The following IGF2BP3 variants were observed in gnomAD, a reference collection of about 807,000 sequenced individuals.
IGF2BP3 encodes insulin like growth factor 2 mRNA binding protein 3, also known as insulin-like growth factor 2 mRNA-binding protein 3.
IGF2BP3 carries 9 observed loss-of-function variants against 73.8 expected under a neutral mutation model. The ratio of observed to expected loss-of-function variants is 0.12; its 90% CI spans 0.07 to 0.21. The LOEUF (loss-of-function observed/expected upper bound fraction) is 0.21, where lower values mean the gene tolerates loss of function less well. Among genes scored for constraint, IGF2BP3 ranks in the 10% least tolerant of loss-of-function variants. The probability of loss-of-function intolerance (pLI) is 1.00; values close to 1 mark genes in which losing one functional copy is unlikely to be tolerated. For synonymous variants in IGF2BP3, 258 were observed against 256.7 expected, an observed-to-expected ratio of 1.01 and a Z score of -0.05; for missense variants, 542 against 714.0, an observed-to-expected ratio of 0.76 and a Z score of 2.75.
chr7:23,321,514 C>T (rs576810772), intron 10 of IGF2BP3, among the ~76,000 whole-genome samples: 202 of 152,282 alleles, frequency 1.3e-3, no homozygotes, highest in African/African-American at 4.7e-3. Flanking sequence ...CCGCCATTGC[C>T]CAGGCTTGCT....
At chr7:23,347,116 C>T (rs1784848041) in intron 7 of IGF2BP3, among the ~76,000 whole-genome samples, 1 of 152,180 alleles carries the variant, frequency 6.6e-6, no homozygotes. Flanking sequence ...CCAACCTTCA[C>T]TCAAAGTTCC....
intron 10 of IGF2BP3, among the ~76,000 whole-genome samples, chr7:23,327,978 C>T (rs574869772): frequency 6.6e-6 from 1 of 152,122 alleles, no homozygotes; most frequent in Non-Finnish European, 1.5e-5. Context: ...GAGGCCATTC[C>T]GTAGGTCACA....
At chr7:23,434,503 A>AT (rs1309716925) in intron 2 of IGF2BP3, among the ~76,000 whole-genome samples, 2 of 152,206 alleles carry the variant, frequency 1.3e-5, no homozygotes, top group East Asian at 3.8e-4. Flanking sequence ...TAAGCAAATA[A>AT]TTGTGTTCAA....
At chr7:23,427,789 C>T (rs1408878652) in intron 2 of IGF2BP3, among the ~76,000 whole-genome samples, 6 of 151,832 alleles carry the variant, frequency 4.0e-5, no homozygotes, top group African/African-American at 9.7e-5. Flanking sequence ...GGGTGGCTCA[C>T]GAGGTCAGGA....
chr7:23,460,341 A>G (rs1376157469), intron 2 of IGF2BP3, among the ~76,000 whole-genome samples: 2 of 151,948 alleles, frequency 1.3e-5, no homozygotes, highest in African/African-American at 4.8e-5. Flanking sequence ...CAACCTGGCT[A>G]ACATGGTGAA....
intron 3 of IGF2BP3, among the ~76,000 whole-genome samples, chr7:23,408,595 C>A (rs1281256127): frequency 6.6e-6 from 1 of 152,138 alleles, no homozygotes; most frequent in African/African-American, 2.4e-5. Context: ...ACAGTAATGG[C>A]AATTCCTGAA....
chr7:23,353,904 A>C (rs1045079775), intron 5 of IGF2BP3, among the ~76,000 whole-genome samples: 1 of 152,250 alleles, frequency 6.6e-6, no homozygotes. Flanking sequence ...ACGACAGCTG[A>C]TATATTTTAA....
At chr7:23,437,541 A>G (rs994144650) in intron 2 of IGF2BP3, among the ~76,000 whole-genome samples, 7 of 152,138 alleles carry the variant, frequency 4.6e-5, no homozygotes, top group Non-Finnish European at 1.0e-4. Context: ...TGGACTGTCC[A>G]CTTAAATGAA....
intron 3 of IGF2BP3, among the ~76,000 whole-genome samples, chr7:23,393,153 A>G (rs2128521921): frequency 6.6e-6 from 1 of 152,238 alleles, no homozygotes; most frequent in South Asian, 2.1e-4. Flanking sequence ...TGCCCGCTGG[A>G]GTGGCCTTCC....
chr7:23,470,180 A>C lies in IGF2BP3; in HGVS notation c.-70T>G. On this transcript the variant is annotated 5_prime_UTR_variant, in exon 1 of 15. Coordinates refer to ENST00000258729, the MANE Select transcript of IGF2BP3 (RefSeq NM_006547.3). Reference sequence around the variant, plus strand: ...AAATTAAAACCACCCACGGTGATGGATGGATCCAGCTGGTTTTGTTCCCCT... The same window carrying C: ...AAATTAAAACCACCCACGGTGATGGCTGGATCCAGCTGGTTTTGTTCCCCT... The C allele has an allele frequency of 7.7e-7, 1 of 1,304,206 alleles. No homozygotes were observed. Among genetic ancestry groups the C allele is most frequent in the Non-Finnish European group, 1.1e-6 (1 of 934,716 alleles). The allele number at this position is 1,304,206 out of a possible 1,614,324, so 80.8% of individuals were successfully genotyped here.
At chr7:23,465,948 T>C (rs1215539771) in intron 2 of IGF2BP3, among the ~76,000 whole-genome samples, 4 of 151,914 alleles carry the variant, frequency 2.6e-5, no homozygotes, top group Admixed American at 2.6e-4. Context: ...ACAGTCCAGA[T>C]ATAGGAAACT....
intron 3 of IGF2BP3, among the ~76,000 whole-genome samples, chr7:23,370,101 C>T (rs1785499796): frequency 6.6e-6 from 1 of 152,178 alleles, no homozygotes; most frequent in Admixed American, 6.5e-5. Flanking sequence ...TTCTCTCTTC[C>T]ATATATCCAA....
At chr7:23,331,553 T>C (rs1390934412) in intron 10 of IGF2BP3, among the ~76,000 whole-genome samples, 1 of 152,040 alleles carries the variant, frequency 6.6e-6, no homozygotes, top group Non-Finnish European at 1.5e-5. Flanking sequence ...AAAAAAGAAC[T>C]ACCCAAGAAT....
chr7:23,464,056 C>G (rs1293915222), intron 2 of IGF2BP3, among the ~76,000 whole-genome samples: 2 of 152,184 alleles, frequency 1.3e-5, no homozygotes, highest in African/African-American at 2.4e-5. Flanking sequence ...CACTGCTATT[C>G]GTACCTGTGT....
chr7:23,381,188 T>A (rs1407356911), intron 3 of IGF2BP3, among the ~76,000 whole-genome samples: 1 of 152,210 alleles, frequency 6.6e-6, no homozygotes, highest in South Asian at 2.1e-4. Flanking sequence ...CCAAACACAC[T>A]GGATTCTTCA....
chr7:23,418,971 G>T, intron 2 of IGF2BP3, 147 bp from the exon 3 acceptor site: 1 of 558,204 alleles, frequency 1.8e-6, no homozygotes, highest in Non-Finnish European at 3.2e-6. Context: ...GCCCAAGAAG[G>T]AAAAGCAAAG....
intron 3 of IGF2BP3, among the ~76,000 whole-genome samples, chr7:23,399,203 A>G (rs921703079): frequency 5.3e-5 from 8 of 152,016 alleles, no homozygotes; most frequent in African/African-American, 1.4e-4. Flanking sequence ...CAGGTTTGTC[A>G]AAGATTAGAT....
chr7:23,350,125 T>G (rs921552122), intron 6 of IGF2BP3, among the ~76,000 whole-genome samples: 4 of 152,150 alleles, frequency 2.6e-5, no homozygotes, highest in Non-Finnish European at 2.9e-5. Flanking sequence ...ACAGTTCTTT[T>G]TGGTTCTACA....
At chr7:23,337,329 A>G (rs1266252905) in intron 10 of IGF2BP3, among the ~76,000 whole-genome samples, 1 of 152,158 alleles carries the variant, frequency 6.6e-6, no homozygotes, top group Non-Finnish European at 1.5e-5. Flanking sequence ...TTTTCTCTTT[A>G]TTTAGATGAA....
Sources: allele counts gnomAD v4.1 joint callset (sites outside exome capture counted in the v4.1 genomes callset), GRCh38; gene constraint gnomAD v4.1.1; transcripts MANE v1.5; gene names NCBI Gene and HGNC (gene_info 2026-07-23, HGNC 2026-07-21).